The following LAS1L variants were observed in gnomAD, a reference collection of about 807,000 sequenced individuals.
LAS1L encodes the protein LAS1 like ribosome biogenesis factor, also known as ribosomal biogenesis protein LAS1L.
A neutral mutation model predicts 57.3 loss-of-function variants in LAS1L; 5 were observed. The observed-to-expected ratio is 0.09, with a 90% CI of 0.05 to 0.18. The LOEUF (loss-of-function observed/expected upper bound fraction) is 0.18. Among genes scored for constraint, LAS1L ranks in the 10% least tolerant of loss-of-function variants. The probability of loss-of-function intolerance (pLI) is 1.00; values close to 1 mark genes in which losing one functional copy is unlikely to be tolerated. For missense variants in LAS1L, 360 were observed against 568.3 expected (o/e 0.63, Z 3.73); for synonymous variants, 245 against 231.7 (o/e 1.06, Z -0.52).
intron 12 of LAS1L, among the ~76,000 whole-genome samples, 186 bp from the exon 13 acceptor site, chrX:65,515,159 C>T (rs182112171): frequency 2.4e-4 from 27 of 111,899 alleles, no homozygotes; most frequent in Admixed American, 2.2e-3. Context: ...CTTCACCACA[C>T]ATTCTTTATG....
At chrX:65,525,165 A>T in intron 7 of LAS1L, 115 bp from the exon 8 acceptor site, 4 of 530,428 alleles carry the variant, frequency 7.5e-6, no homozygotes, top group East Asian at 3.9e-5. Flanking sequence ...GAAGCAGCAT[A>T]GGGAGGAGGG....
At chrX:65,523,077 A>C in intron 11 of LAS1L, 1 of 114,820 alleles carries the variant, frequency 8.7e-6, no homozygotes, top group Non-Finnish European at 1.9e-5. Flanking sequence ...AGGTATGGCT[A>C]CCATGGTAAG....
At chrX:65,529,468 T>C (rs1341471572) in intron 5 of LAS1L, 126 bp downstream of exon 5, 1 of 831,085 alleles carries the variant, frequency 1.2e-6, no homozygotes, top group Non-Finnish European at 1.7e-6. Flanking sequence ...TTTGTGACAG[T>C]AATTTTTTAA....
intron 13 of LAS1L, 38 bp downstream of exon 13, chrX:65,514,785 G>T (rs779141907): frequency 6.2e-6 from 7 of 1,128,791 alleles, no homozygotes; most frequent in Admixed American, 2.6e-5. Flanking sequence ...AGGTGGCAGA[G>T]AAAGGGGGTG....
chrX:65,518,123 A>T lies in LAS1L; in HGVS notation c.1791T>A (p.Asp597Glu), dbSNP rs2068718959. Residue 597 changes from aspartate (D) to glutamate (E), a missense_variant, in exon 12 of 14, where the codon GAT becomes GAA. Transcript: ENST00000374811. ...DQEEEEEDED[D>E]EDDEEEDRME... ...TTCTGTCTTCCTCTTCATCATCTTC[A>T]TCATCTTCATCCTCCTCTTCCTCCT... 8.3e-7 allele frequency: 1 copy of T among 1,198,346 alleles called. No homozygotes were observed. The highest frequency in any genetic ancestry group is 2.2e-5 in the Admixed American group (1 of 45,924).
intron 10 of LAS1L, 44 bp from the exon 11 acceptor site, chrX:65,523,751 C>T: frequency 1.8e-6 from 2 of 1,127,524 alleles, no homozygotes; most frequent in Non-Finnish European, 2.4e-6. Flanking sequence ...GCAGTGAGCC[C>T]CCCACCCAAC....
intron 7 of LAS1L, among the ~76,000 whole-genome samples, chrX:65,525,666 G>A (rs2069091455): frequency 1.9e-5 from 2 of 102,876 alleles, no homozygotes; most frequent in South Asian, 8.5e-4. Context: ...CATTTATGCC[G>A]AGTGTTCCAT....
rs948581556 is a variant in LAS1L, at chrX:65,518,523, C to T, written c.1449-58G>A. On this transcript the variant is annotated intron_variant, in intron 11 of 13. Coordinates refer to ENST00000374811, the MANE Select transcript of LAS1L (RefSeq NM_031206.7). ...TCAAAATCTCAAGCCACTTCATACC[C>T]CAACACTCCAGGGTTTGAACTTGGT... is the stretch of plus-strand genomic sequence containing the variant. The T allele has an allele frequency of 5.3e-6, 6 of 1,129,249 alleles. No individual in the cohort carries two copies. In the East Asian group the frequency reaches 1.5e-4, roughly 29 times the overall value. The allele number at this position is 1,129,249 out of a possible 1,213,427, so 93.1% of individuals were successfully genotyped here.
intron 2 of LAS1L, among the ~76,000 whole-genome samples, chrX:65,533,100 A>G (rs1240455123): frequency 9.0e-6 from 1 of 111,353 alleles, no homozygotes; most frequent in East Asian, 2.8e-4. Context: ...AGCTAGAACC[A>G]TTATGAGTCA....
At chrX:65,528,515 A>G in intron 6 of LAS1L, 146 bp from the exon 7 acceptor site, 1 of 432,397 alleles carries the variant, frequency 2.3e-6, no homozygotes, top group Non-Finnish European at 4.0e-6. Flanking sequence ...CAACTCCCCT[A>G]CTGGCCTTGC....
Position 65,512,721 on chromosome X carries a change from G to A in LAS1L, c.*54C>T. The A allele has an allele frequency of 8.8e-7, 1 of 1,137,885 alleles. No homozygotes were observed. The allele number at this position is 1,137,885 out of a possible 1,213,427, so 93.8% of individuals were successfully genotyped here. ...CTCAGGGAGCATCAGTTGTACTAGG[G>A]GGTGGGCTGTTGCCCTGGCACGGCT... is the stretch of plus-strand genomic sequence containing the variant. On this transcript the variant is annotated 3_prime_UTR_variant, in exon 14 of 14. Transcript: ENST00000374811.
At chrX:65,531,611 CTT>C (rs1483562595) in intron 3 of LAS1L, among the ~76,000 whole-genome samples, 173 bp from the exon 4 acceptor site, 2 of 112,192 alleles carry the variant, frequency 1.8e-5, no homozygotes, top group Admixed American at 1.9e-4. Flanking sequence ...AAAAACAGCT[CTT>C]CTTATTCTTT....
chrX:65,527,701 C>T (rs1213081981), intron 7 of LAS1L, among the ~76,000 whole-genome samples: 1 of 109,085 alleles, frequency 9.2e-6, no homozygotes, highest in African/African-American at 3.4e-5. Context: ...GGTGTGGTGG[C>T]TCACGTCTGT....
rs777611742 is a variant in LAS1L at position 65,534,703 on chromosome X, A to C, written c.13T>G (p.Ser5Ala). 1 of 1,164,929 alleles carries C rather than the reference A, an allele frequency of 8.6e-7. No homozygotes were observed. The highest frequency in any genetic ancestry group is 3.2e-5 in the East Asian group (1 of 30,910). ...GAACCTAGACCTGGCCCGGCCCCGG[A>C]TTCCCACGACATACTGAGCTCAACA... MSWE[S>A]GAGPGLGSQG... Residue 5 changes from serine to alanine, a missense_variant, in exon 1 of 14, where the codon TCC becomes GCC. By Grantham distance (99) the Ser-to-Ala change is moderately conservative. Transcript: ENST00000374811.
chrX:65,525,090 C>T, intron 7 of LAS1L, 40 bp from the exon 8 acceptor site: 2 of 1,071,356 alleles, frequency 1.9e-6, no homozygotes, highest in Non-Finnish European at 2.6e-6. Flanking sequence ...GTGATGCTGG[C>T]AGAAGACCCT....
intron 9 of LAS1L, 24 bp from the exon 10 acceptor site, chrX:65,524,286 T>TG (rs770283190): frequency 1.4e-5 from 16 of 1,128,242 alleles, no homozygotes; most frequent in Admixed American, 9.1e-5. Context: ...GACACCCATT[T>TG]GGGGGGGCAA....
chrX:65,518,527 C>T, intron 11 of LAS1L, 62 bp from the exon 12 acceptor site: 1 of 1,127,415 alleles, frequency 8.9e-7, no homozygotes, highest in East Asian at 3.1e-5. Flanking sequence ...CATACCCCAA[C>T]ACTCCAGGGT....
At chrX:65,529,457 G>T in intron 5 of LAS1L, 137 bp downstream of exon 5, 1 of 779,576 alleles carries the variant, frequency 1.3e-6, no homozygotes, top group Non-Finnish European at 1.8e-6. Context: ...CAGGAGGATG[G>T]TTTGTGACAG....
chrX:65,520,058 T>C (rs2068789045), intron 11 of LAS1L, among the ~76,000 whole-genome samples: 1 of 112,057 alleles, frequency 8.9e-6, no homozygotes, highest in Non-Finnish European at 1.9e-5. Context: ...CAAAATGCCT[T>C]ATCAGCCCTG....
Sources: gnomAD v4.1 joint callset for allele counts (sites outside exome capture counted in the v4.1 genomes callset) on GRCh38, gnomAD v4.1.1 for gene constraint, MANE v1.5 for transcripts, NCBI Gene and HGNC (gene_info 2026-07-23, HGNC 2026-07-21) for gene names.